The following ZZZ3 variants were observed in gnomAD, a reference collection of about 807,000 sequenced individuals.
ZZZ3 encodes the protein zinc finger ZZ-type containing 3, also known as ZZ-type zinc finger-containing protein 3.
A neutral mutation model predicts 95.2 loss-of-function variants in ZZZ3; 22 were observed. The observed-to-expected ratio is 0.23, with a 90% CI of 0.17 to 0.33. The LOEUF is 0.33. ZZZ3 is among the 10% of genes least tolerant of loss of function. The probability of loss-of-function intolerance (pLI) is 1.00; values close to 1 mark genes in which losing one functional copy is unlikely to be tolerated. For synonymous variants in ZZZ3, 335 were observed against 358.9 expected (o/e 0.93, Z 0.75); for missense variants, 885 against 1,066.5 (o/e 0.83, Z 2.37).
chr1:77,615,314 G>A (rs1248543459), intron 5 of ZZZ3, among the ~76,000 whole-genome samples: 1 of 152,186 alleles, frequency 6.6e-6, no homozygotes, highest in Non-Finnish European at 1.5e-5. Flanking sequence ...AAGACACACA[G>A]AGGGGAAAAA....
At chr1:77,674,996 A>C (rs1008048466) in intron 1 of ZZZ3, among the ~76,000 whole-genome samples, 1 of 151,970 alleles carries the variant, frequency 6.6e-6, no homozygotes, top group African/African-American at 2.4e-5. Flanking sequence ...ACACCATAAA[A>C]ATCTACATAT....
chr1:77,624,480 A>G, intron 5 of ZZZ3, among the ~76,000 whole-genome samples: 1 of 93,734 alleles, frequency 1.1e-5, no homozygotes, highest in East Asian at 3.3e-4. Context: ...CTCCATTTTG[A>G]AAAACCCCTA....
chr1:77,592,236 C>A (rs1181857426), intron 5 of ZZZ3, among the ~76,000 whole-genome samples: 1 of 152,220 alleles, frequency 6.6e-6, no homozygotes, highest in African/African-American at 2.4e-5. Context: ...GAAGCAAATG[C>A]AATCCTGTCT....
At chr1:77,577,575 T>TA (rs749356204) in intron 11 of ZZZ3, among the ~76,000 whole-genome samples, 1 of 152,164 alleles carries the variant, frequency 6.6e-6, no homozygotes, top group Non-Finnish European at 1.5e-5. Context: ...ATTCTTAATG[T>TA]AAAATTACAT....
rs753363611 is a variant in ZZZ3 at position 77,581,608 on chromosome 1, G to T, written c.1908+168C>A. Among the ~76,000 whole-genome samples, 4 of 152,290 alleles carry T rather than the reference G, an allele frequency of 2.6e-5. No individual in the cohort carries two copies. In the East Asian group the frequency reaches 7.7e-4, roughly 29 times the overall value. ...ACGTAAATGATGTCTGAAGGTTCAC[G>T]GCTAGTAAGTTAGGACTCCAACCTA... On this transcript the variant is annotated intron_variant, in intron 8 of 14. Coordinates refer to ENST00000370801, the MANE Select transcript of ZZZ3 (RefSeq NM_015534.6).
chr1:77,587,310 T>C (rs1330990539), intron 5 of ZZZ3, among the ~76,000 whole-genome samples: 2 of 140,790 alleles, frequency 1.4e-5, no homozygotes, highest in Non-Finnish European at 3.0e-5. Flanking sequence ...TTGCCCAGAC[T>C]GGAGTGGGCA....
At chr1:77,615,922 G>GC (rs919914406) in intron 5 of ZZZ3, among the ~76,000 whole-genome samples, 18 of 151,416 alleles carry the variant, frequency 1.2e-4, no homozygotes, top group African/African-American at 2.9e-4. Flanking sequence ...GTGTCAAAGG[G>GC]CCCCCCCACC....
rs1660789177 is a variant in ZZZ3, at chr1:77,566,028, GA to G, written c.2567+52del. ...TTGGAAATCAAATTCACTAATGGCT[GA>G]GAAGCTCTTTTCTTGTCTAAGTTGA... On this transcript the variant is annotated intron_variant, in intron 14 of 14. Coordinates refer to ENST00000370801, the MANE Select transcript of ZZZ3 (RefSeq NM_015534.6). 2.9e-6 allele frequency: 4 copies of G among 1,396,530 alleles called. No individual in the cohort carries two copies. In the Admixed American group the frequency reaches 8.0e-5, roughly 28 times the overall value. The allele number at this position is 1,396,530 out of a possible 1,614,324, so 86.5% of individuals were successfully genotyped here.
intron 1 of ZZZ3, among the ~76,000 whole-genome samples, chr1:77,678,651 T>C (rs1231707339): frequency 6.6e-6 from 1 of 152,214 alleles, no homozygotes; most frequent in African/African-American, 2.4e-5. Context: ...TTCCACCTAC[T>C]TTTTAATAGT....
chr1:77,579,619 C>T lies in ZZZ3; in HGVS notation c.1990G>A (p.Glu664Lys), dbSNP rs776725394. 2 of 1,573,148 alleles carry T rather than the reference C, an allele frequency of 1.3e-6. No homozygotes were observed. The highest frequency in any genetic ancestry group is 1.7e-6 in the Non-Finnish European group (2 of 1,164,196). ...LWTVEEQKKLEQLLIKYPPEE... is the reference protein window; with the variant it reads ...LWTVEEQKKLKQLLIKYPPEE... ...GGAGGGTATTTGATGAGTAGCTGTT[C>T]CAGCTTTTTCTAAGCCATACCCAAG... is the stretch of plus-strand genomic sequence containing the variant. The change falls in exon 10 of 15, where the codon GAA becomes AAA. Residue 664 changes from glutamate to lysine, a missense_variant. Coordinates refer to ENST00000370801, the MANE Select transcript of ZZZ3 (RefSeq NM_015534.6).
intron 5 of ZZZ3, among the ~76,000 whole-genome samples, chr1:77,621,349 G>A (rs1000399868): frequency 2.7e-5 from 4 of 150,920 alleles, no homozygotes; most frequent in Admixed American, 6.6e-5. Flanking sequence ...AGGCTGAGGC[G>A]GGAGGATCAC....
At chr1:77,673,878 A>C (rs1284686767) in intron 1 of ZZZ3, among the ~76,000 whole-genome samples, 1 of 152,178 alleles carries the variant, frequency 6.6e-6, no homozygotes, top group Non-Finnish European at 1.5e-5. Context: ...GGTATCATAA[A>C]AATTAGAATG....
chr1:77,647,023 A>C (rs1669338470), intron 1 of ZZZ3, among the ~76,000 whole-genome samples: 1 of 152,210 alleles, frequency 6.6e-6, no homozygotes, highest in Non-Finnish European at 1.5e-5. Context: ...ACAGGGAAAG[A>C]CATCCATAGG....
At chr1:77,610,713 AT>A (rs943065080) in intron 5 of ZZZ3, among the ~76,000 whole-genome samples, 11 of 152,038 alleles carry the variant, frequency 7.2e-5, no homozygotes, top group African/African-American at 2.6e-4. Flanking sequence ...AAAAACTATG[AT>A]CATTTCAATT....
At position 77,659,573 on chromosome 1, in the gene ZZZ3, C is replaced by T. The variant is rs1223503792; in HGVS notation, c.-402-17918G>A. ...GTGGGGGCACGTGCCTGTAATCCTA[C>T]TCAGGAGGCTGAAGCAGGAGAATCA... On this transcript the variant is annotated intron_variant, in intron 1 of 14. Transcript: ENST00000370801. 3.3e-5 allele frequency among the ~76,000 whole-genome samples: 5 copies of T among 151,480 alleles called. No homozygotes were observed. In the East Asian group the frequency reaches 9.7e-4, roughly 29 times the overall value.
chr1:77,633,452 T>C (rs1668011415), intron 4 of ZZZ3, 47 bp from the exon 5 acceptor site: 6 of 1,275,762 alleles, frequency 4.7e-6, no homozygotes, highest in Admixed American at 5.4e-5. Flanking sequence ...ATAGTTAATA[T>C]ACCCAGAACG....
chr1:77,593,236 C>A (rs887665990), intron 5 of ZZZ3, among the ~76,000 whole-genome samples: 9 of 152,170 alleles, frequency 5.9e-5, no homozygotes, highest in African/African-American at 2.2e-4. Flanking sequence ...GATGTACATA[C>A]CCTAAGATCC....
chr1:77,648,319 A>G (rs1303152350), intron 1 of ZZZ3, among the ~76,000 whole-genome samples: 1 of 149,810 alleles, frequency 6.7e-6, no homozygotes, highest in Non-Finnish European at 1.5e-5. Flanking sequence ...CCTGTACTCC[A>G]GCCTGGGTGA....
At chr1:77,668,011 C>T (rs191978762) in intron 1 of ZZZ3, among the ~76,000 whole-genome samples, 2 of 152,146 alleles carry the variant, frequency 1.3e-5, no homozygotes, top group Admixed American at 1.3e-4. Context: ...AGGGGATCTG[C>T]CCACCTCAGC....
Sources: gnomAD v4.1 joint callset for allele counts (sites outside exome capture counted in the v4.1 genomes callset) on GRCh38, gnomAD v4.1.1 for gene constraint, MANE v1.5 for transcripts, NCBI Gene and HGNC (gene_info 2026-07-23, HGNC 2026-07-21) for gene names.